MEIKIN: variants seen among roughly 807,000 people sequenced by gnomAD.
MEIKIN encodes the protein meiosis-specific kinetochore protein.
intron 9 of MEIKIN, among the ~76,000 whole-genome samples, chr5:131,866,498 T>C (rs931857200): frequency 2.0e-5 from 3 of 152,170 alleles, no homozygotes; most frequent in African/African-American, 7.2e-5. Flanking sequence ...GCTGTGGCCC[T>C]GCAACTGGGA....
intron 10 of MEIKIN, among the ~76,000 whole-genome samples, chr5:131,852,143 T>C (rs1292473089): frequency 6.6e-5 from 10 of 152,180 alleles, no homozygotes; most frequent in Admixed American, 5.2e-4. Context: ...TCAAATCTCA[T>C]CTTGAATTGT....
At position 131,911,827 on chromosome 5, in the gene MEIKIN, T is replaced by C. The variant is rs937820991; in HGVS notation, c.691A>G (p.Asn231Asp). ...CATTATTTGTTACCTGATTCTGAAT[T>C]TGAAGCACACTTTGCTTTTGGAGAA... ...NVSPKAKCAS[N>D]SESDNAACEI... The change falls in exon 8 of 13, where the codon AAT becomes GAT. Residue 231 changes from asparagine to aspartate, a missense_variant. Physicochemically the swap from Asn to Asp is conservative, Grantham distance 23. Coordinates refer to ENST00000442687, the MANE Select transcript of MEIKIN (RefSeq NM_001303622.2). 7.5e-6 allele frequency: 3 copies of C among 397,802 alleles called. No individual in the cohort carries two copies. Among genetic ancestry groups the C allele is most frequent in the Middle Eastern group, 6.3e-4 (1 of 1,582 alleles). The allele number at this position is 397,802 out of a possible 1,614,324, so 24.6% of individuals were successfully genotyped here.
intron 9 of MEIKIN, among the ~76,000 whole-genome samples, chr5:131,856,510 A>G (rs1278528271): frequency 2.0e-5 from 3 of 152,222 alleles, no homozygotes; most frequent in African/African-American, 7.2e-5. Context: ...CAAGACTTTC[A>G]TAATAGACAA....
intron 10 of MEIKIN, among the ~76,000 whole-genome samples, chr5:131,854,191 CAT>C (rs1205563372): frequency 4.6e-5 from 7 of 152,116 alleles, no homozygotes; most frequent in Non-Finnish European, 8.8e-5. Context: ...CATGCTGTAA[CAT>C]AGATGAATTT....
At chr5:131,841,424 C>A (rs775773133) in intron 11 of MEIKIN, among the ~76,000 whole-genome samples, 1 of 152,158 alleles carries the variant, frequency 6.6e-6, no homozygotes, top group East Asian at 1.9e-4. Flanking sequence ...TGCCTCCCTA[C>A]GGGCATTTAC....
intron 6 of MEIKIN, among the ~76,000 whole-genome samples, chr5:131,920,876 T>C (rs1751493033): frequency 6.6e-6 from 1 of 151,992 alleles, no homozygotes. Context: ...TCATTTTTTA[T>C]TTTTTGTAGA....
At chr5:131,872,822 G>C (rs1255763955) in intron 9 of MEIKIN, among the ~76,000 whole-genome samples, 3 of 152,228 alleles carry the variant, frequency 2.0e-5, no homozygotes, top group Non-Finnish European at 4.4e-5. Flanking sequence ...CTACAAGCCA[G>C]AAGAGAGTGG....
At chr5:131,887,556 G>A (rs1231097565) in intron 8 of MEIKIN, among the ~76,000 whole-genome samples, 1 of 152,120 alleles carries the variant, frequency 6.6e-6, no homozygotes, top group Non-Finnish European at 1.5e-5. Flanking sequence ...GTAATTCACT[G>A]TGCTTTTGAT....
At chr5:131,944,300 C>G (rs1751923388) in intron 3 of MEIKIN, 1 of 160,584 alleles carries the variant, frequency 6.2e-6, no homozygotes, top group Non-Finnish European at 1.4e-5. Flanking sequence ...TTAGAATGCT[C>G]TGTAACATAT....
At chr5:131,886,117 G>A (rs761966479) in intron 8 of MEIKIN, among the ~76,000 whole-genome samples, 1 of 151,810 alleles carries the variant, frequency 6.6e-6, no homozygotes, top group Non-Finnish European at 1.5e-5. Context: ...ACATAGAGAA[G>A]ACCAAAGAAA....
At chr5:131,930,639 TA>T (rs1335116097) in intron 5 of MEIKIN, among the ~76,000 whole-genome samples, 3 of 152,178 alleles carry the variant, frequency 2.0e-5, no homozygotes, top group Non-Finnish European at 4.4e-5. Flanking sequence ...TATTCTTTTT[TA>T]TTTTTTTTAG....
chr5:131,818,058 A>C (rs935371100), intron 12 of MEIKIN, among the ~76,000 whole-genome samples: 7 of 152,228 alleles, frequency 4.6e-5, no homozygotes, highest in Non-Finnish European at 8.8e-5. Flanking sequence ...TACCACTTGA[A>C]GAAGTATGAT....
intron 9 of MEIKIN, among the ~76,000 whole-genome samples, chr5:131,864,741 G>C (rs1561736905): frequency 6.6e-6 from 1 of 152,162 alleles, no homozygotes; most frequent in Admixed American, 6.5e-5. Context: ...TGAGCCTCCT[G>C]TATCTGGATG....
intron 8 of MEIKIN, among the ~76,000 whole-genome samples, chr5:131,889,333 C>T (rs949481741): frequency 1.3e-5 from 2 of 152,176 alleles, no homozygotes; most frequent in African/African-American, 4.8e-5. Flanking sequence ...TTGATTCTTC[C>T]TACCCACGAG....
intron 11 of MEIKIN, among the ~76,000 whole-genome samples, chr5:131,820,314 T>C (rs1468451209): frequency 6.7e-6 from 1 of 150,154 alleles, no homozygotes; most frequent in African/African-American, 2.5e-5. Flanking sequence ...CCTCAGATGA[T>C]CACCTCAGGT....
intron 8 of MEIKIN, among the ~76,000 whole-genome samples, chr5:131,889,840 C>A (rs1176095624): frequency 2.0e-5 from 3 of 152,146 alleles, no homozygotes; most frequent in Non-Finnish European, 2.9e-5. Context: ...ATGATATTGG[C>A]TGTGGGTTTG....
intron 11 of MEIKIN, among the ~76,000 whole-genome samples, chr5:131,840,538 C>T (rs1293905870): frequency 6.6e-6 from 1 of 152,074 alleles, no homozygotes; most frequent in Non-Finnish European, 1.5e-5. Context: ...AGGTTTTGTT[C>T]ATTCCTTTTC....
intron 8 of MEIKIN, among the ~76,000 whole-genome samples, chr5:131,901,435 A>G (rs998599975): frequency 1.3e-5 from 2 of 151,838 alleles, no homozygotes; most frequent in Admixed American, 6.6e-5. Flanking sequence ...TGCCAACCCC[A>G]CCACTGTTAA....
intron 8 of MEIKIN, among the ~76,000 whole-genome samples, chr5:131,883,915 G>T (rs1750735828): frequency 6.6e-6 from 1 of 152,190 alleles, no homozygotes; most frequent in Admixed American, 6.5e-5. Context: ...CTGTCAAGTG[G>T]AAAGCAAATC....
Sources: allele counts gnomAD v4.1 joint callset (sites outside exome capture counted in the v4.1 genomes callset), GRCh38; gene constraint gnomAD v4.1.1; transcripts MANE v1.5; gene names NCBI Gene and HGNC (gene_info 2026-07-23, HGNC 2026-07-21).